The following ABCA10 variants were observed in gnomAD, a reference collection of about 807,000 sequenced individuals.
The protein encoded by ABCA10 is ATP-binding cassette sub-family A member 10.
Under a neutral mutation model 187.5 loss-of-function variants are expected in ABCA10, and 169 were observed. The observed-to-expected ratio is 0.90, with a 90% CI of 0.80 to 1.02. The LOEUF is 1.02. Ranked by LOEUF, ABCA10 falls within the 50% of genes least tolerant of loss-of-function variation. The pLI, the probability that ABCA10 is intolerant of heterozygous loss-of-function variation, is 0.00. For missense variants in ABCA10, 1,727 were observed against 1,812.4 expected (o/e 0.95, Z 0.86); for synonymous variants, 574 against 601.8 (o/e 0.95, Z 0.68).
chr17:69,196,902 A>G (rs1342341910), intron 11 of ABCA10, among the ~76,000 whole-genome samples, 162 bp downstream of exon 11: 2 of 151,662 alleles, frequency 1.3e-5, no homozygotes, highest in Non-Finnish European at 2.9e-5. Flanking sequence ...AATCCCAGGC[A>G]CTCGGCAGGC....
chr17:69,158,448 C>T (rs1056633096), intron 27 of ABCA10, among the ~76,000 whole-genome samples: 9 of 151,294 alleles, frequency 5.9e-5, no homozygotes, highest in African/African-American at 1.9e-4. Context: ...CTAGCTAGAA[C>T]GTGCAATGGG....
chr17:69,230,323 C>A, upstream of ABCA10, among the ~76,000 whole-genome samples: 1 of 152,048 alleles, frequency 6.6e-6, no homozygotes, highest in East Asian at 1.9e-4. Context: ...CAATAAAAAA[C>A]AAGCTAAGAC....
intron 9 of ABCA10, among the ~76,000 whole-genome samples, chr17:69,205,708 A>G (rs2074586573): frequency 6.6e-6 from 1 of 152,198 alleles, no homozygotes; most frequent in Non-Finnish European, 1.5e-5. Context: ...TAGATTATAC[A>G]AACAGGAATT....
At position 69,153,312 on chromosome 17, in the gene ABCA10, G is replaced by C. The variant is rs767286512; in HGVS notation, c.4129C>G (p.Gln1377Glu). 1 of 1,609,976 alleles carries C rather than the reference G, an allele frequency of 6.2e-7. No homozygotes were observed. The highest frequency in any genetic ancestry group is 1.3e-5 in the African/African-American group (1 of 74,694). The part of the protein sequence containing the change: ...FTGMDPEGQQ[Q>E]MWQILQATVK... ...AATATTCACTCTCCTTACCACATTT[G>C]CTGCTGCCCCTCGGGGTCCATCCCG... Residue 1377 changes from glutamine to glutamate, a missense_variant, in exon 34 of 39, where the codon CAA (glutamine) becomes GAA (glutamate). Coordinates refer to ENST00000690296, the MANE Select transcript of ABCA10 (RefSeq NM_001377321.1).
chr17:69,173,742 T>C (rs1483696381), intron 25 of ABCA10, among the ~76,000 whole-genome samples: 1 of 152,188 alleles, frequency 6.6e-6, no homozygotes, highest in East Asian at 1.9e-4. Flanking sequence ...CTGCTTAAGA[T>C]ATCAGCTAGT....
At chr17:69,225,669 T>A (rs1467395446) in intron 2 of ABCA10, 140 bp from the exon 3 acceptor site, 1 of 330,254 alleles carries the variant, frequency 3.0e-6, no homozygotes, top group African/African-American at 2.1e-5. Flanking sequence ...CTGCCCAAAT[T>A]AATATCTACC....
chr17:69,202,598 CA>C (rs1402566938), intron 9 of ABCA10, among the ~76,000 whole-genome samples: 4 of 151,938 alleles, frequency 2.6e-5, no homozygotes, highest in African/African-American at 4.8e-5. Flanking sequence ...TTGTTTCTGC[CA>C]CAAGTCTTCT....
rs751694122 is a variant in ABCA10 at position 69,185,678 on chromosome 17, C to A, written c.2331-35G>T. The stretch of plus-strand genomic sequence containing the variant: ...ACAAAATTATAACATGAGTCTGAAG[C>A]AATTTTCCTCTGGTTATTTAAGTCA... On this transcript the variant is annotated intron_variant, in intron 19 of 38. Transcript: ENST00000690296. 7.3e-6 allele frequency: 11 copies of A among 1,502,824 alleles called. No homozygotes were observed. The African/African-American group carries it at 1.2e-4, about 17-fold the overall frequency. The allele number at this position is 1,502,824 out of a possible 1,614,324, so 93.1% of individuals were successfully genotyped here.
In ABCA10 at chr17:69,153,471, C is replaced by G. The variant is rs750958061; in HGVS notation, c.4041G>C (p.Lys1347Asn). 3.7e-6 allele frequency: 6 copies of G among 1,614,152 alleles called. No individual in the cohort carries two copies. Among genetic ancestry groups the G allele is most frequent in the Non-Finnish European group, 4.2e-6 (5 of 1,180,024 alleles). Residue 1347 changes from lysine (K) to asparagine (N), a missense_variant and splice_region_variant, in exon 33 of 39, where the codon AAG becomes AAC. Lys to Asn is a moderately conservative substitution (Grantham distance 94). Transcript: ENST00000690296. ...VKTLSEGIKR[K>N]LCFVLSILGN... ...GGGAAACCCCGAGCCTGGCCCATAC[C>G]TTTCTCTTTATTCCCTCTGATAGAG...
At position 69,187,769 on chromosome 17, in the gene ABCA10, T is replaced by TA. The variant is rs2074432926; in HGVS notation, c.2241dup (p.Ser748Ter). The TA allele has an allele frequency of 1.2e-6, 2 of 1,613,852 alleles. No individual in the cohort carries two copies. Among genetic ancestry groups the TA allele is most frequent in the African/African-American group, 2.7e-5 (2 of 74,944 alleles). On this transcript the variant is annotated frameshift_variant, in exon 19 of 39. Coordinates refer to ENST00000690296, the MANE Select transcript of ABCA10 (RefSeq NM_001377321.1). LOFTEE classifies it high-confidence loss of function. ...ATTTGTCGTCTCCAGAGAGCTGCAC[T>TA]ACTGACAGCCTTTCTTGTTTCAGGA...
rs774077546 is a variant in ABCA10 at position 69,211,647 on chromosome 17, A to G, written c.1006+3057T>C. Among the ~76,000 whole-genome samples the G allele has an allele frequency of 1.5e-3, 230 of 151,776 alleles. 1 individual carries two copies. Among genetic ancestry groups the G allele is most frequent in the Non-Finnish European group, 2.6e-3 (175 of 67,912 alleles). ...GGCGGGGGGGAATATTTTAATTACCATTTCAATCTCACTGCTTGTTATTGG... is the reference window on the plus strand; with the variant it reads ...GGCGGGGGGGAATATTTTAATTACCGTTTCAATCTCACTGCTTGTTATTGG... On this transcript the variant is annotated intron_variant, in intron 9 of 38. Transcript: ENST00000690296.
Position 69,185,654 on chromosome 17 carries a change from C to T in ABCA10, c.2331-11G>A, listed in dbSNP as rs976714279. On this transcript the variant is annotated splice_polypyrimidine_tract_variant and intron_variant, in intron 19 of 38. Coordinates refer to ENST00000690296, the MANE Select transcript of ABCA10 (RefSeq NM_001377321.1). The stretch of plus-strand genomic sequence containing the variant: ...CCAAGTACTAGTAACCTAAGTAAAA[C>T]AAAATTATAACATGAGTCTGAAGCA... The T allele has an allele frequency of 4.5e-6, 7 of 1,571,516 alleles. No individual in the cohort carries two copies. The highest frequency in any genetic ancestry group is 1.4e-5 in the African/African-American group (1 of 73,638).
intron 1 of ABCA10, among the ~76,000 whole-genome samples, chr17:69,237,202 A>G (rs114286913): frequency 0.019 from 2,821 of 152,290 alleles, 84 homozygotes; most frequent in African/African-American, 0.063. Context: ...CTCTTTTGGA[A>G]TTTATTGGCA....
chr17:69,223,387 G>GA (rs1371219118), intron 3 of ABCA10, among the ~76,000 whole-genome samples: 1 of 152,130 alleles, frequency 6.6e-6, no homozygotes, highest in African/African-American at 2.4e-5. Context: ...CACTCTCTAA[G>GA]AATTAAGTGT....
Position 69,153,861 on chromosome 17 carries a change from C to G in ABCA10, c.3935G>C (p.Gly1312Ala), listed in dbSNP as rs376127309. 5.6e-6 allele frequency: 9 copies of G among 1,613,840 alleles called. No individual in the cohort carries two copies. The highest frequency in any genetic ancestry group is 7.6e-6 in the Non-Finnish European group (9 of 1,179,878). Residue 1312 changes from glycine to alanine, a missense_variant, in exon 32 of 39, where the codon GGC becomes GCC. By Grantham distance (60) the Gly-to-Ala change is moderately conservative. Transcript: ENST00000690296. ...LELYAAVKGLGKEDAALSISR... is the reference protein window; with the variant it reads ...LELYAAVKGLAKEDAALSISR... ...AATACTGAGAGCAGCATCTTCTTTG[C>G]CCAGTCCTTTCACAGCTGCATACAA...
At chr17:69,148,974 A>G (rs756811172) in intron 38 of ABCA10, 49 bp from the exon 39 acceptor site, 1 of 1,613,030 alleles carries the variant, frequency 6.2e-7, no homozygotes, top group South Asian at 1.1e-5. Flanking sequence ...GGTGTGTCTG[A>G]AAGATGGATT....
chr17:69,221,276 G>T (rs1019525109), intron 5 of ABCA10, among the ~76,000 whole-genome samples: 10 of 152,298 alleles, frequency 6.6e-5, no homozygotes, highest in African/African-American at 2.4e-4. Context: ...AAGCCCTTTT[G>T]ATGGTGTGGT....
intron 9 of ABCA10, 138 bp downstream of exon 9, chr17:69,214,566 G>C: frequency 1.4e-6 from 1 of 724,358 alleles, no homozygotes; most frequent in Admixed American, 4.0e-5. Context: ...AAATGGAAAT[G>C]AGGAAATTCT....
chr17:69,233,635 AT>A (rs2074845768), upstream of ABCA10: 1 of 152,188 alleles, frequency 6.6e-6, no homozygotes, highest in South Asian at 2.1e-4. Flanking sequence ...ATGTGTGACA[AT>A]GTCTGCACAT....
Sources: gnomAD v4.1 joint callset for allele counts (sites outside exome capture counted in the v4.1 genomes callset) on GRCh38, gnomAD v4.1.1 for gene constraint, MANE v1.5 for transcripts, NCBI Gene and HGNC (gene_info 2026-07-23, HGNC 2026-07-21) for gene names.